Variants in MYH10 observed in about 807,000 individuals in gnomAD.
MYH10 encodes the protein myosin heavy chain 10, also known as myosin-10.
A neutral mutation model predicts 257.8 loss-of-function variants in MYH10; 55 were observed. The ratio of observed to expected loss-of-function variants is 0.21; its 90% CI spans 0.17 to 0.27. The LOEUF (loss-of-function observed/expected upper bound fraction) is 0.27, where lower values mean the gene tolerates loss of function less well. MYH10 is among the 10% of genes least tolerant of loss of function. MYH10 has a pLI of 1.00. For synonymous variants in MYH10, 854 were observed against 921.7 expected, an observed-to-expected ratio of 0.93 and a Z score of 1.33; for missense variants, 1,631 against 2,500.6, an observed-to-expected ratio of 0.65 and a Z score of 7.42.
rs142173407 is a variant in MYH10, at chr17:8,584,134, G to A, written c.530+4947C>T. Among the ~76,000 whole-genome samples, 1,161 of 152,252 alleles carry A rather than the reference G, an allele frequency of 7.6e-3. 5 individuals carry two copies. Among genetic ancestry groups the A allele is most frequent in the Non-Finnish European group, 0.013 (857 of 68,020 alleles). On this transcript the variant is annotated intron_variant, in intron 4 of 42. Coordinates refer to ENST00000360416, the MANE Select transcript of MYH10 (RefSeq NM_001256012.3). ...GCCTGAGTGTCTTCACCACACACGAGAATACTAGGATACTCAGATAAACAA... is the reference window on the plus strand; with the variant it reads ...GCCTGAGTGTCTTCACCACACACGAAAATACTAGGATACTCAGATAAACAA...
intron 2 of MYH10, among the ~76,000 whole-genome samples, chr17:8,607,626 T>A (rs900240917): frequency 1.3e-5 from 2 of 152,208 alleles, no homozygotes; most frequent in African/African-American, 4.8e-5. Flanking sequence ...ACTGCACCAG[T>A]TCTGTCTTCC....
chr17:8,588,150 G>C (rs1027390746), intron 4 of MYH10, among the ~76,000 whole-genome samples: 1 of 152,032 alleles, frequency 6.6e-6, no homozygotes, highest in African/African-American at 2.4e-5. Context: ...CTTGAGTGTA[G>C]GCTTTCCTCA....
At chr17:8,546,301 T>C (rs900295554) in intron 12 of MYH10, among the ~76,000 whole-genome samples, 70 of 152,182 alleles carry the variant, frequency 4.6e-4, no homozygotes, top group African/African-American at 1.6e-3. Flanking sequence ...TCAGGTGATC[T>C]GCCCACCTCA....
At chr17:8,601,549 A>T (rs410990) in intron 3 of MYH10, among the ~76,000 whole-genome samples, 1 of 152,136 alleles carries the variant, frequency 6.6e-6, no homozygotes, top group Non-Finnish European at 1.5e-5. Flanking sequence ...AGAATCTACA[A>T]ATACATTCCA....
intron 21 of MYH10, among the ~76,000 whole-genome samples, 183 bp from the exon 22 acceptor site, chr17:8,514,077 G>A (rs1307240665): frequency 6.6e-6 from 1 of 152,206 alleles, no homozygotes; most frequent in Non-Finnish European, 1.5e-5. Flanking sequence ...ACACTGGCTT[G>A]TTGGCCTGCT....
chr17:8,504,964 C>A lies in MYH10; in HGVS notation c.3387-58G>T. ...GAGATGGCACCCGGATGGCCTGTTTCTCAGGCGAGCCCCAGCCCCTGAGCA... is the reference window on the plus strand; with the variant it reads ...GAGATGGCACCCGGATGGCCTGTTTATCAGGCGAGCCCCAGCCCCTGAGCA... On this transcript the variant is annotated intron_variant, in intron 27 of 42. Coordinates refer to ENST00000360416, the MANE Select transcript of MYH10 (RefSeq NM_001256012.3). This position sits in a 1 kb window ranked among gnomAD's most constrained non-coding sequence, Gnocchi z 5.6. 1.4e-6 allele frequency: 2 copies of A among 1,455,430 alleles called. No individual in the cohort carries two copies. Among genetic ancestry groups the A allele is most frequent in the Non-Finnish European group, 1.9e-6 (2 of 1,041,466 alleles). The allele number at this position is 1,455,430 out of a possible 1,614,324, so 90.2% of individuals were successfully genotyped here.
At chr17:8,498,721 G>T (rs1272845429) in intron 30 of MYH10, among the ~76,000 whole-genome samples, 1 of 152,066 alleles carries the variant, frequency 6.6e-6, no homozygotes, top group Non-Finnish European at 1.5e-5. Context: ...GGTGGCGGGT[G>T]CCTGTAGTCC....
intron 4 of MYH10, among the ~76,000 whole-genome samples, chr17:8,583,375 A>G (rs2083780467): frequency 6.6e-6 from 1 of 152,246 alleles, no homozygotes; most frequent in Non-Finnish European, 1.5e-5. Context: ...GTCATTAGAA[A>G]AGCAAATTGA....
At chr17:8,517,314 A>T (rs1399511860) in intron 21 of MYH10, among the ~76,000 whole-genome samples, 1 of 152,200 alleles carries the variant, frequency 6.6e-6, no homozygotes, top group Non-Finnish European at 1.5e-5. Flanking sequence ...TTCCGTTTAA[A>T]GCCCTCTTGA....
At chr17:8,520,252 C>T (rs1362873627) in intron 19 of MYH10, among the ~76,000 whole-genome samples, 1 of 152,150 alleles carries the variant, frequency 6.6e-6, no homozygotes, top group Admixed American at 6.5e-5. Context: ...GTAATCCCAG[C>T]ACTTTGGGAG....
chr17:8,588,102 T>C (rs2083979374), intron 4 of MYH10, among the ~76,000 whole-genome samples: 1 of 152,076 alleles, frequency 6.6e-6, no homozygotes, highest in African/African-American at 2.4e-5. Context: ...GATGGGTCAT[T>C]TTAGCCTTCT....
chr17:8,561,488 G>C, intron 7 of MYH10: 2 of 1,424,936 alleles, frequency 1.4e-6, no homozygotes, highest in Non-Finnish European at 9.8e-7. Context: ...GTCAGGAATC[G>C]ATCTCGTGAA....
chr17:8,545,563 T>G lies in MYH10; in HGVS notation c.1316A>C (p.Tyr439Ser), dbSNP rs1334914750. Residue 439 changes from tyrosine (Y) to serine (S), a missense_variant, in exon 13 of 43, where the codon TAT (tyrosine) becomes TCT (serine). By Grantham distance (144) the Tyr-to-Ser change is moderately radical (BLOSUM62 -2). Coordinates refer to ENST00000360416, the MANE Select transcript of MYH10 (RefSeq NM_001256012.3). This position sits in a 1 kb window ranked among gnomAD's most constrained non-coding sequence, Gnocchi z 4.7. ...AACGAGCCAGCGAAAGAGCCGCTCA[T>G]AGGTAGCTTTTGCCAATGCTTCTAC... is the stretch of plus-strand genomic sequence containing the variant. ...FAVEALAKAT[Y>S]ERLFRWLVHR... 6.2e-7 allele frequency: 1 copy of G among 1,614,056 alleles called. No homozygotes were observed. Among genetic ancestry groups the G allele is most frequent in the Non-Finnish European group, 8.5e-7 (1 of 1,179,978 alleles).
intron 26 of MYH10, among the ~76,000 whole-genome samples, chr17:8,507,775 C>G (rs2081120679): frequency 6.6e-6 from 1 of 152,138 alleles, no homozygotes; most frequent in Admixed American, 6.5e-5. Flanking sequence ...AGTTTGAGAC[C>G]AGCCTGACCA....
At chr17:8,629,379 G>A (rs1003241858) in intron 1 of MYH10, among the ~76,000 whole-genome samples, 2 of 104,780 alleles carry the variant, frequency 1.9e-5, no homozygotes, top group African/African-American at 7.4e-5. Flanking sequence ...CCACCGCAGT[G>A]ATCTTGAAGG....
chr17:8,483,812 C>T (rs1055862837), intron 37 of MYH10, among the ~76,000 whole-genome samples: 9 of 152,234 alleles, frequency 5.9e-5, no homozygotes, highest in African/African-American at 2.2e-4. Context: ...GTTGGAGTTA[C>T]ACAGTTCTTG....
chr17:8,474,610 ATACAT>A lies in MYH10; in HGVS notation c.*1189_*1193del, dbSNP rs1402985223. 1.3e-5 allele frequency: 2 copies of A among 152,654 alleles called. No homozygotes were observed. Among genetic ancestry groups the A allele is most frequent in the East Asian group, 1.9e-4 (1 of 5,204 alleles). 9.5% of individuals were successfully genotyped at this position (152,654 alleles called of 1,614,324 possible). A position where few individuals can be genotyped will look rare whatever the true frequency, so the allele number is the denominator to read the frequency against. On this transcript the variant is annotated 3_prime_UTR_variant, in exon 43 of 43. Transcript: ENST00000360416. ...TGATATGAAGCACAGTCAAAACTGA[ATACAT>A]TAAATTGTTATAGAGGCGAATGATA...
intron 29 of MYH10, among the ~76,000 whole-genome samples, chr17:8,500,297 A>C (rs1479843356): frequency 6.6e-6 from 1 of 152,190 alleles, no homozygotes; most frequent in African/African-American, 2.4e-5. Context: ...CGTGAGTCAC[A>C]GGGCACATGA....
At chr17:8,510,040 ATT>A (rs35193113) in intron 24 of MYH10, 91 bp from the exon 25 acceptor site, 532 of 908,532 alleles carry the variant, frequency 5.9e-4, no homozygotes, top group African/African-American at 1.2e-3. Context: ...TGAGATACTA[ATT>A]TTTTTTTTTT....
Sources: gnomAD v4.1 joint callset for allele counts (sites outside exome capture counted in the v4.1 genomes callset) on GRCh38, gnomAD v4.1.1 for gene constraint, Gnocchi (gnomAD v3.1) non-coding constraint, MANE v1.5 for transcripts, NCBI Gene and HGNC (gene_info 2026-07-23, HGNC 2026-07-21) for gene names.